The following TRPC4 variants were observed in gnomAD, a reference collection of about 807,000 sequenced individuals.
The protein encoded by TRPC4 is short transient receptor potential channel 4.
TRPC4 carries 49 observed loss-of-function variants against 99.4 expected under a neutral mutation model. That is an observed-to-expected ratio of 0.49 (90% confidence interval 0.39 to 0.63). The LOEUF is 0.63. Ranked by LOEUF, TRPC4 falls within the 20% of genes least tolerant of loss-of-function variation. TRPC4 has a pLI of 0.00. For synonymous variants in TRPC4, 454 were observed against 425.9 expected, an observed-to-expected ratio of 1.07 and a Z score of -0.81; for missense variants, 898 against 1,152.9, an observed-to-expected ratio of 0.78 and a Z score of 3.20.
At chr13:37,781,282 A>G (rs1305766865) in intron 2 of TRPC4, among the ~76,000 whole-genome samples, 1 of 152,122 alleles carries the variant, frequency 6.6e-6, no homozygotes, top group Non-Finnish European at 1.5e-5. Flanking sequence ...GCTGCAATCT[A>G]AAATGATTTA....
intron 1 of TRPC4, among the ~76,000 whole-genome samples, chr13:37,857,504 T>C (rs1447669871): frequency 6.6e-6 from 1 of 151,618 alleles, no homozygotes; most frequent in Non-Finnish European, 1.5e-5. Context: ...ATCATATTAC[T>C]GACTTTGAAT....
rs893945383 is a variant in TRPC4, at chr13:37,869,693, A to AT, written c.-127dup. The AT allele has an allele frequency of 6.6e-6, 1 of 152,270 alleles. No individual in the cohort carries two copies. Among genetic ancestry groups the AT allele is most frequent in the Non-Finnish European group, 1.5e-5 (1 of 68,128 alleles). 9.4% of individuals were successfully genotyped at this position (152,270 alleles called of 1,614,324 possible). A position where few individuals can be genotyped will look rare whatever the true frequency, so the allele number is the denominator to read the frequency against. On this transcript the variant is annotated 5_prime_UTR_variant, in exon 1 of 11. The change abolishes the stop of an existing upstream ORF in the 5' untranslated region. Coordinates refer to ENST00000379705, the MANE Select transcript of TRPC4 (RefSeq NM_016179.4). ...AGCACGCCCGGCAAATTCCAATGGA[A>AT]TTCCCTTAGTCGCTGCTGAGTTTTG...
intron 8 of TRPC4, 136 bp downstream of exon 8, chr13:37,651,129 A>T: frequency 2.2e-6 from 2 of 924,216 alleles, no homozygotes; most frequent in Non-Finnish European, 3.3e-6. Context: ...GTCATGGGAG[A>T]TGTGTTATAA....
intron 2 of TRPC4, among the ~76,000 whole-genome samples, chr13:37,756,159 TATGTATGTAC>T (rs1333939826): frequency 6.6e-6 from 1 of 152,184 alleles, no homozygotes; most frequent in East Asian, 1.9e-4. Flanking sequence ...TATGTGTGTA[TATGTATGTAC>T]ATGTGTGCAC....
At position 37,637,453 on chromosome 13, in the gene TRPC4, C is replaced by T; in HGVS notation, c.2384G>A (p.Ser795Asn). ...GNSKDKKKNF[S>N]LFDLTTLIHP... is the part of the protein sequence containing the mutation. Reference sequence around the variant, plus strand: ...AATCAGGGTGGTTAAATCAAAAAGGCTGAAATTCTTTTTCTTGTCCTTGCT... The same window carrying T: ...AATCAGGGTGGTTAAATCAAAAAGGTTGAAATTCTTTTTCTTGTCCTTGCT... Residue 795 changes from serine (S) to asparagine (N), a missense_variant, in exon 11 of 11, where the codon AGC becomes AAC. Transcript: ENST00000379705. The T allele has an allele frequency of 6.2e-7, 1 of 1,613,612 alleles. No homozygotes were observed.
At chr13:37,868,730 G>C (rs1433328277) in intron 1 of TRPC4, among the ~76,000 whole-genome samples, 1 of 151,830 alleles carries the variant, frequency 6.6e-6, no homozygotes, top group Non-Finnish European at 1.5e-5. Context: ...GCATTTTATA[G>C]CTATGGAATT....
At chr13:37,841,177 T>G (rs1381002940) in intron 1 of TRPC4, among the ~76,000 whole-genome samples, 1 of 152,126 alleles carries the variant, frequency 6.6e-6, no homozygotes, top group Non-Finnish European at 1.5e-5. Flanking sequence ...ATCAAGATTA[T>G]ACAAGAAAAT....
At chr13:37,825,264 C>G (rs1035737257) in intron 1 of TRPC4, among the ~76,000 whole-genome samples, 1 of 151,790 alleles carries the variant, frequency 6.6e-6, no homozygotes, top group Non-Finnish European at 1.5e-5. Flanking sequence ...TTTTGTGTCT[C>G]TATTTCCTTC....
chr13:37,682,581 AT>A (rs1953285525), intron 4 of TRPC4, among the ~76,000 whole-genome samples: 1 of 152,116 alleles, frequency 6.6e-6, no homozygotes. Flanking sequence ...TTTACAGAAA[AT>A]TGTAGCCAAA....
In TRPC4 at chr13:37,633,085, T is replaced by G. The variant is rs140071746; in HGVS notation, c.*3818A>C. ...CTTTACTTTCCCCAGTTATCTACAG[T>G]GAACTTATTTAACATGATTCTAAAA... On this transcript the variant is annotated 3_prime_UTR_variant, in exon 11 of 11. Transcript: ENST00000379705. 6.6e-6 allele frequency among the ~76,000 whole-genome samples: 1 copy of G among 152,262 alleles called. No individual in the cohort carries two copies.
chr13:37,869,127 C>T (rs1959985554), intron 1 of TRPC4, among the ~76,000 whole-genome samples: 1 of 152,142 alleles, frequency 6.6e-6, no homozygotes, highest in African/African-American at 2.4e-5. Flanking sequence ...GATCACTCTC[C>T]TTCCTTCGTT....
At chr13:37,783,811 AC>A (rs1165496264) in intron 1 of TRPC4, among the ~76,000 whole-genome samples, 4 of 152,118 alleles carry the variant, frequency 2.6e-5, no homozygotes, top group African/African-American at 9.7e-5. Flanking sequence ...ATTATGTAAT[AC>A]CATTATGTTT....
intron 1 of TRPC4, among the ~76,000 whole-genome samples, chr13:37,818,171 G>GA (rs1160892661): frequency 1.5e-5 from 2 of 136,324 alleles, no homozygotes; most frequent in East Asian, 2.5e-4. Flanking sequence ...TAAATTTCAA[G>GA]AAAAAAAATA....
chr13:37,833,778 C>T (rs2139603988), intron 1 of TRPC4, among the ~76,000 whole-genome samples: 1 of 152,292 alleles, frequency 6.6e-6, no homozygotes, highest in African/African-American at 2.4e-5. Flanking sequence ...TTCATTCAGC[C>T]TTCACAAAAC....
Position 37,746,261 on chromosome 13 carries a change from A to G in TRPC4, c.573T>C (p.Arg191=), listed in dbSNP as rs73458357. 1.7e-3 allele frequency: 2,747 copies of G among 1,613,802 alleles called. 43 individuals are homozygous for G. In the African/African-American group the frequency reaches 0.033, roughly 19 times the overall value. Reference sequence around the variant, plus strand: ...AGATGTTGAGTCTGGAGCGTGAGTGACGGAGGCTGTCCACATCTGAACTGG... The same window carrying G: ...AGATGTTGAGTCTGGAGCGTGAGTGGCGGAGGCTGTCCACATCTGAACTGG... ...CVSSSDVDSL[R]HSRSRLNIYK... is the part of the protein sequence containing the mutation. Residue 191 remains arginine (R), a synonymous_variant, in exon 3 of 11, where the codon CGT becomes CGC. Coordinates refer to ENST00000379705, the MANE Select transcript of TRPC4 (RefSeq NM_016179.4).
At chr13:37,650,612 T>TACAC (rs57068516) in intron 8 of TRPC4, among the ~76,000 whole-genome samples, 60,369 of 140,166 alleles carry the variant, frequency 0.43, 13,369 homozygotes, top group Non-Finnish European at 0.47. Flanking sequence ...TCTCTCTCTA[T>TACAC]ACACACACAC....
At chr13:37,661,442 G>C (rs1039214718) in intron 6 of TRPC4, among the ~76,000 whole-genome samples, 3 of 152,158 alleles carry the variant, frequency 2.0e-5, no homozygotes, top group African/African-American at 7.2e-5. Flanking sequence ...GTTGGGTCTG[G>C]GAACCAGAGC....
At position 37,692,352 on chromosome 13, in the gene TRPC4, G is replaced by A. The variant is rs760283896; in HGVS notation, c.898-17C>T. ...GGCAACAAACTAAACAGAAGGGAAA[G>A]GAAAAGGAAAAATAAGTCACAGTTA... On this transcript the variant is annotated splice_polypyrimidine_tract_variant and intron_variant, in intron 3 of 10. Coordinates refer to ENST00000379705, the MANE Select transcript of TRPC4 (RefSeq NM_016179.4). 1.4e-5 allele frequency: 22 copies of A among 1,593,878 alleles called. No individual in the cohort carries two copies. In the East Asian group the frequency reaches 2.5e-4, roughly 18 times the overall value.
At chr13:37,673,487 A>G (rs1952934819) in intron 5 of TRPC4, among the ~76,000 whole-genome samples, 3 of 151,378 alleles carry the variant, frequency 2.0e-5, no homozygotes, top group Admixed American at 2.0e-4. Context: ...TTTTTTTACC[A>G]ATTAACTAGT....
Sources: allele counts gnomAD v4.1 joint callset (sites outside exome capture counted in the v4.1 genomes callset), GRCh38; gene constraint gnomAD v4.1.1; transcripts MANE v1.5; gene names NCBI Gene and HGNC (gene_info 2026-07-23, HGNC 2026-07-21).